LRRC37A2: variants seen among roughly 807,000 people sequenced by gnomAD.
LRRC37A2 encodes leucine rich repeat containing 37 member A2, also known as leucine-rich repeat-containing protein 37A2.
LRRC37A2 carries 9 observed loss-of-function variants against 68.8 expected under a neutral mutation model. The ratio of observed to expected loss-of-function variants is 0.13; its 90% confidence interval spans 0.08 to 0.23. The LOEUF is 0.23. LRRC37A2 is among the 10% of genes least tolerant of loss of function. LRRC37A2 has a pLI of 1.00. For synonymous variants in LRRC37A2, 63 were observed against 367.6 expected, an observed-to-expected ratio of 0.17 and a Z score of 9.48; for missense variants, 168 against 950.4, an observed-to-expected ratio of 0.18 and a Z score of 10.82.
At chr17:46,877,147 C>T in the LRRC37A2 span, 1 of 948,640 alleles carries the variant, frequency 1.1e-6, no homozygotes, top group South Asian at 4.9e-5. Flanking sequence ...GCAGTGCCAG[C>T]TGGAAGTGAA....
At chr17:46,959,903 C>T in the LRRC37A2 span, among the ~76,000 whole-genome samples, 1 of 152,196 alleles carries the variant, frequency 6.6e-6, no homozygotes, top group Admixed American at 6.5e-5. Context: ...GAGAGAGCTC[C>T]TCTAAAGGAA....
chr17:47,020,819 A>G, the LRRC37A2 span, among the ~76,000 whole-genome samples: 1 of 147,220 alleles, frequency 6.8e-6, no homozygotes, highest in Admixed American at 6.8e-5. Flanking sequence ...GGAGGGAAGA[A>G]AGAGAATAGG....
the LRRC37A2 span, among the ~76,000 whole-genome samples, chr17:46,947,540 T>C: frequency 6.6e-6 from 1 of 152,198 alleles, no homozygotes; most frequent in Admixed American, 6.5e-5. Context: ...TAGGAAGACC[T>C]GGACATGATC....
At chr17:47,036,086 C>T in the LRRC37A2 span, among the ~76,000 whole-genome samples, 3 of 152,028 alleles carry the variant, frequency 2.0e-5, no homozygotes, top group South Asian at 6.2e-4. Flanking sequence ...AGATAATTTG[C>T]CAATATTTTC....
the LRRC37A2 span, among the ~76,000 whole-genome samples, chr17:46,631,061 TACACACACACACACACAC>T: frequency 1.6e-5 from 2 of 122,772 alleles, no homozygotes; most frequent in Non-Finnish European, 3.2e-5. Flanking sequence ...TCTCTCTCTG[TACACACACACACACACAC>T]ACACACACAC....
the LRRC37A2 span, chr17:46,978,686 G>A: frequency 6.2e-7 from 1 of 1,610,910 alleles, no homozygotes. Flanking sequence ...TCCTTGGAGG[G>A]CCGGCGCTCC....
At chr17:46,781,232 CAA>C in the LRRC37A2 span, among the ~76,000 whole-genome samples, 277 of 143,724 alleles carry the variant, frequency 1.9e-3, 1 homozygote, top group Non-Finnish European at 1.7e-3. Context: ...TCCCCCCAAC[CAA>C]AAAAAAAAAA....
chr17:46,751,668 C>T, the LRRC37A2 span: 3 of 1,095,308 alleles, frequency 2.7e-6, no homozygotes, highest in African/African-American at 4.6e-5. Context: ...CTTCAGGACA[C>T]ACCAAGAGGG....
chr17:46,987,109 G>A, the LRRC37A2 span, among the ~76,000 whole-genome samples: 1 of 152,144 alleles, frequency 6.6e-6, no homozygotes, highest in Non-Finnish European at 1.5e-5. Context: ...CAAGCGTGGT[G>A]GTGCATGCCT....
At chr17:46,834,978 TCTTCTC>T in the LRRC37A2 span, among the ~76,000 whole-genome samples, 40 of 151,864 alleles carry the variant, frequency 2.6e-4, no homozygotes, top group African/African-American at 4.6e-4. Flanking sequence ...TCTCTCTTCT[TCTTCTC>T]CTTCTCCTTC....
chr17:46,930,603 G>A, the LRRC37A2 span: 2 of 155,784 alleles, frequency 1.3e-5, no homozygotes, highest in South Asian at 1.9e-4. Context: ...AGCCTTAAGG[G>A]AACTCTTCTC....
chr17:46,979,105 G>A, the LRRC37A2 span: 3 of 1,195,860 alleles, frequency 2.5e-6, no homozygotes, highest in South Asian at 2.6e-5. Flanking sequence ...CCCTCGGACC[G>A]GCTCCTGCGG....
chr17:46,980,811 T>C, the LRRC37A2 span, among the ~76,000 whole-genome samples: 11 of 151,584 alleles, frequency 7.3e-5, no homozygotes, highest in Admixed American at 2.6e-4. Flanking sequence ...CCAGCCTGGG[T>C]GACAGAGCGA....
chr17:46,835,068 C>A, the LRRC37A2 span, among the ~76,000 whole-genome samples: 12 of 152,200 alleles, frequency 7.9e-5, no homozygotes, highest in Admixed American at 7.9e-4. Flanking sequence ...GATCAGTGCT[C>A]ACTGTAGCCT....
chr17:46,992,457 G>T, the LRRC37A2 span, among the ~76,000 whole-genome samples: 2 of 152,188 alleles, frequency 1.3e-5, no homozygotes, highest in Non-Finnish European at 2.9e-5. Flanking sequence ...CAAAGCTCAG[G>T]CCACTCCAGA....
chr17:46,765,558 C>T, the LRRC37A2 span, among the ~76,000 whole-genome samples: 1 of 152,238 alleles, frequency 6.6e-6, no homozygotes, highest in African/African-American at 2.4e-5. Flanking sequence ...CTCCTGCCTG[C>T]ACTGCCAAGA....
the LRRC37A2 span, among the ~76,000 whole-genome samples, chr17:46,864,540 G>A: frequency 6.6e-6 from 1 of 152,126 alleles, no homozygotes; most frequent in African/African-American, 2.4e-5. Context: ...TTTAAACAGA[G>A]GGTCTTTCTC....
chr17:46,951,911 C>T, the LRRC37A2 span, among the ~76,000 whole-genome samples: 1 of 152,146 alleles, frequency 6.6e-6, no homozygotes, highest in South Asian at 2.1e-4. Context: ...CATCACCTCC[C>T]TCACAGCCCA....
the LRRC37A2 span, chr17:46,763,467 G>C: frequency 6.6e-6 from 1 of 152,206 alleles, no homozygotes; most frequent in Non-Finnish European, 1.5e-5. Flanking sequence ...GAAGAGCTGG[G>C]GGAAAGAACT....
Sources: allele counts gnomAD v4.1 joint callset (sites outside exome capture counted in the v4.1 genomes callset), GRCh38; gene constraint gnomAD v4.1.1; transcripts MANE v1.5; gene names NCBI Gene and HGNC (gene_info 2026-07-23, HGNC 2026-07-21).